The following KCTD8 variants were observed in gnomAD, a reference collection of about 807,000 sequenced individuals.
The protein encoded by KCTD8 is potassium channel tetramerization domain containing 8.
A neutral mutation model predicts 31.5 loss-of-function variants in KCTD8; 27 were observed. The observed-to-expected ratio is 0.86, with a 90% confidence interval of 0.63 to 1.18. KCTD8 has a LOEUF of 1.18. KCTD8 is among the 50% of genes most tolerant of loss of function. KCTD8 has a pLI of 0.00. For missense variants in KCTD8, 658 were observed against 647.7 expected, an observed-to-expected ratio of 1.02 and a Z score of -0.17; for synonymous variants, 290 against 280.0, an observed-to-expected ratio of 1.04 and a Z score of -0.36.
chr4:44,242,689 G>C (rs981791837), intron 1 of KCTD8, among the ~76,000 whole-genome samples: 5 of 152,194 alleles, frequency 3.3e-5, no homozygotes, highest in Admixed American at 6.5e-5. Flanking sequence ...TTGGAGATGG[G>C]GCCTGGTGGG....
chr4:44,303,127 T>C (rs573176938), intron 1 of KCTD8, among the ~76,000 whole-genome samples: 4 of 152,260 alleles, frequency 2.6e-5, no homozygotes, highest in South Asian at 4.1e-4. Flanking sequence ...TTGCCAGTAT[T>C]TTATTGAGGA....
At chr4:44,414,708 A>G (rs769799917) in intron 1 of KCTD8, among the ~76,000 whole-genome samples, 4 of 152,138 alleles carry the variant, frequency 2.6e-5, no homozygotes, top group Admixed American at 6.5e-5. Context: ...ATTTATTGAT[A>G]TAGTTTGGAT....
chr4:44,355,363 A>C (rs1296654337), intron 1 of KCTD8, among the ~76,000 whole-genome samples: 1 of 152,122 alleles, frequency 6.6e-6, no homozygotes, highest in African/African-American at 2.4e-5. Context: ...AGATCAATTA[A>C]GACATTTGCT....
At chr4:44,254,962 A>G (rs1168040845) in intron 1 of KCTD8, among the ~76,000 whole-genome samples, 1 of 151,880 alleles carries the variant, frequency 6.6e-6, no homozygotes, top group Non-Finnish European at 1.5e-5. Flanking sequence ...GAGCAATTTT[A>G]TACTTGTCTC....
chr4:44,327,752 T>A (rs1718486251), intron 1 of KCTD8, among the ~76,000 whole-genome samples: 2 of 151,798 alleles, frequency 1.3e-5, no homozygotes, highest in Non-Finnish European at 1.5e-5. Context: ...GCACTCAACA[T>A]CTCTGTGCCT....
At chr4:44,229,767 A>T (rs1036658019) in intron 1 of KCTD8, among the ~76,000 whole-genome samples, 1 of 152,156 alleles carries the variant, frequency 6.6e-6, no homozygotes, top group Non-Finnish European at 1.5e-5. Flanking sequence ...TCTCTGAAAA[A>T]GATTTGATGG....
intron 1 of KCTD8, among the ~76,000 whole-genome samples, chr4:44,205,782 G>C (rs1029225687): frequency 6.6e-6 from 1 of 152,124 alleles, no homozygotes; most frequent in Non-Finnish European, 1.5e-5. Flanking sequence ...TAAAATCATT[G>C]GAAGACTTGG....
intron 1 of KCTD8, among the ~76,000 whole-genome samples, chr4:44,190,581 C>T (rs538878838): frequency 8.5e-5 from 13 of 152,294 alleles, no homozygotes; most frequent in African/African-American, 2.6e-4. Flanking sequence ...CCCTAATCTA[C>T]AGTAACGATG....
intron 1 of KCTD8, among the ~76,000 whole-genome samples, chr4:44,426,883 C>G (rs1241607561): frequency 1.3e-5 from 2 of 151,428 alleles, no homozygotes; most frequent in African/African-American, 4.8e-5. Flanking sequence ...AAATTATAAG[C>G]CTATTCAATT....
intron 1 of KCTD8, among the ~76,000 whole-genome samples, chr4:44,417,093 G>A (rs1387644156): frequency 6.6e-6 from 1 of 152,196 alleles, no homozygotes; most frequent in Non-Finnish European, 1.5e-5. Flanking sequence ...TTAATAAGGA[G>A]CTAGAAGTTG....
intron 1 of KCTD8, among the ~76,000 whole-genome samples, chr4:44,214,631 G>C (rs1295244764): frequency 6.6e-6 from 1 of 152,200 alleles, no homozygotes; most frequent in Non-Finnish European, 1.5e-5. Context: ...TGGTGAAAGA[G>C]ATCTGACCTA....
chr4:44,188,092 A>C (rs1713644653), intron 1 of KCTD8, among the ~76,000 whole-genome samples: 2 of 152,002 alleles, frequency 1.3e-5, no homozygotes, highest in East Asian at 3.9e-4. Flanking sequence ...GTGGATTTTT[A>C]TTTATTGGAT....
chr4:44,272,042 G>A (rs1412692299), intron 1 of KCTD8, among the ~76,000 whole-genome samples: 1 of 151,448 alleles, frequency 6.6e-6, no homozygotes, highest in East Asian at 1.9e-4. Context: ...AGGGAGTTGA[G>A]GGCATCATGA....
intron 1 of KCTD8, among the ~76,000 whole-genome samples, chr4:44,327,495 G>A (rs896959617): frequency 6.6e-6 from 1 of 151,796 alleles, no homozygotes; most frequent in Admixed American, 6.6e-5. Flanking sequence ...AGCTCTGGTT[G>A]CAAGAGTTTT....
chr4:44,273,763 A>C (rs1022043790), intron 1 of KCTD8, among the ~76,000 whole-genome samples: 4 of 151,950 alleles, frequency 2.6e-5, no homozygotes, highest in African/African-American at 9.7e-5. Context: ...TAAGCCAAAT[A>C]ATCTGGATGT....
chr4:44,245,325 GA>G (rs547774502), intron 1 of KCTD8, among the ~76,000 whole-genome samples: 72 of 151,928 alleles, frequency 4.7e-4, no homozygotes, highest in Middle Eastern at 3.4e-3. Context: ...AAAAAAAGCA[GA>G]AAACACCATA....
Position 44,448,645 on chromosome 4 carries a change from C to T in KCTD8, c.-122G>A. 1 of 1,097,038 alleles carries T rather than the reference C, an allele frequency of 9.1e-7. No individual in the cohort carries two copies. Among genetic ancestry groups the T allele is most frequent in the Non-Finnish European group, 1.2e-6 (1 of 857,318 alleles). 68.0% of individuals were successfully genotyped at this position (1,097,038 alleles called of 1,614,324 possible). On this transcript the variant is annotated 5_prime_UTR_variant, in exon 1 of 2. Transcript: ENST00000360029. This position sits in a 1 kb window ranked among gnomAD's most constrained non-coding sequence, Gnocchi z 4.1. ...CCCTCGGACTGGGCGGCGCGTTCCT[C>T]CGACCGGGGCGGCCCCGCTCAGGGT...
At chr4:44,222,659 G>A (rs1159833262) in intron 1 of KCTD8, among the ~76,000 whole-genome samples, 2 of 152,142 alleles carry the variant, frequency 1.3e-5, no homozygotes, top group African/African-American at 4.8e-5. Flanking sequence ...TGTAATCTCA[G>A]GCAAATTATT....
chr4:44,249,635 A>G (rs1167856767), intron 1 of KCTD8, among the ~76,000 whole-genome samples: 7 of 151,874 alleles, frequency 4.6e-5, no homozygotes, highest in Admixed American at 4.6e-4. Flanking sequence ...TTCACAGATC[A>G]TACTTTGTAA....
Sources: allele counts gnomAD v4.1 joint callset (sites outside exome capture counted in the v4.1 genomes callset), GRCh38; gene constraint gnomAD v4.1.1; non-coding constraint Gnocchi (gnomAD v3.1); transcripts MANE v1.5; gene names NCBI Gene and HGNC (gene_info 2026-07-23, HGNC 2026-07-21).